BTBD7: variants seen among roughly 807,000 people sequenced by gnomAD.
The protein encoded by BTBD7 is BTB/POZ domain-containing protein 7.
In BTBD7, 38 loss-of-function variants were observed where a neutral mutation model predicts 99.9. The observed-to-expected ratio is 0.38, with a 90% CI of 0.29 to 0.50. BTBD7 has a LOEUF of 0.50. Among genes scored for constraint, BTBD7 ranks in the 20% least tolerant of loss-of-function variants. The pLI, the probability that BTBD7 is intolerant of heterozygous loss-of-function variation, is 0.93. For missense variants in BTBD7, 1,170 were observed against 1,394.6 expected (o/e 0.84, Z 2.57); for synonymous variants, 520 against 511.4 (o/e 1.02, Z -0.23).
intron 1 of BTBD7, among the ~76,000 whole-genome samples, chr14:93,325,383 C>T (rs146410674): frequency 6.6e-6 from 1 of 150,388 alleles, no homozygotes; most frequent in African/African-American, 2.4e-5. Context: ...CCACCTCAGC[C>T]TCCCAAAGTG....
chr14:93,268,760 T>C (rs1399762332), intron 3 of BTBD7, among the ~76,000 whole-genome samples: 1 of 148,634 alleles, frequency 6.7e-6, no homozygotes, highest in Non-Finnish European at 1.5e-5. Flanking sequence ...TTAGACCTTT[T>C]TTTTTTTTTT....
rs377690174 is a variant in BTBD7, at chr14:93,294,383, T to C, written c.637A>G (p.Arg213Gly). ...YTGEFGMEDS[R>G]FQNVDILVQL... ...ACAAGGATATCGACATTTTGAAACC[T>C]TGAGTCCTCCATTCCAAACTCTCCT... The change falls in exon 3 of 11, where the codon AGG becomes GGG. Residue 213 changes from arginine (R) to glycine (G), a missense_variant. By Grantham distance (125) the Arg-to-Gly change is moderately radical. Around this residue, in one of 4 missense-constraint regions of BTBD7, gnomAD observed 359 missense variants for 497.9 expected, o/e 0.72. Transcript: ENST00000334746. 6.2e-6 allele frequency: 10 copies of C among 1,614,086 alleles called. No individual in the cohort carries two copies. In the African/African-American group the frequency reaches 9.3e-5, roughly 15 times the overall value.
chr14:93,245,613 T>C (rs1321245260), intron 10 of BTBD7, among the ~76,000 whole-genome samples: 43 of 152,216 alleles, frequency 2.8e-4, no homozygotes, highest in Admixed American at 2.8e-3. Flanking sequence ...AACTCCTCCA[T>C]ATACACCTCT....
chr14:93,282,147 G>A (rs1014033206), intron 3 of BTBD7, among the ~76,000 whole-genome samples: 1 of 152,172 alleles, frequency 6.6e-6, no homozygotes, highest in African/African-American at 2.4e-5. Context: ...TAAAGATTAA[G>A]TGAGGTATTC....
rs2052197924 is a variant in BTBD7, at chr14:93,239,562, C to T, written c.*2711G>A. ...AAGCCAGAGGCATGTAGCTCTTGAACCTACCCTAGTAACCATACTTCACAA... is the reference window on the plus strand; with the variant it reads ...AAGCCAGAGGCATGTAGCTCTTGAATCTACCCTAGTAACCATACTTCACAA... On this transcript the variant is annotated 3_prime_UTR_variant, in exon 11 of 11. Transcript: ENST00000334746. 1 of 152,070 alleles carries T rather than the reference C, an allele frequency of 6.6e-6. No homozygotes were observed. Among genetic ancestry groups the T allele is most frequent in the South Asian group, 2.1e-4 (1 of 4,812 alleles). 9.4% of individuals were successfully genotyped at this position (152,070 alleles called of 1,614,324 possible).
At position 93,294,589 on chromosome 14, in the gene BTBD7, A is replaced by T. The variant is rs768721018; in HGVS notation, c.431T>A (p.Val144Glu). The change falls in exon 3 of 11, where the codon GTA becomes GAA. Residue 144 changes from valine (V) to glutamate (E), a missense_variant. Coordinates refer to ENST00000334746, the MANE Select transcript of BTBD7 (RefSeq NM_001002860.4). ...DLYEYKYCTD[V>E]DLIFQETCFP... is the part of the protein sequence containing the mutation. ...ACAAGTTTCTTGAAATATTAAGTCT[A>T]CATCAGTACAATACTTGTACTCATA... is the stretch of plus-strand genomic sequence containing the variant. 3 of 1,614,036 alleles carry T rather than the reference A, an allele frequency of 1.9e-6. No homozygotes were observed. The highest frequency in any genetic ancestry group is 1.7e-6 in the Non-Finnish European group (2 of 1,180,026).
chr14:93,310,361 C>G lies in BTBD7; in HGVS notation c.-106-14204G>C, dbSNP rs568513502. On this transcript the variant is annotated intron_variant, in intron 1 of 10. Coordinates refer to ENST00000334746, the MANE Select transcript of BTBD7 (RefSeq NM_001002860.4). ...TTAGGATCCAAATAAGGTCTACACA[C>G]TGTGACTGGATGACTATGTCTCTTC... Among the ~76,000 whole-genome samples the G allele has an allele frequency of 2.6e-5, 4 of 152,324 alleles. No individual in the cohort carries two copies. In the South Asian group the frequency reaches 8.3e-4, roughly 32 times the overall value.
At chr14:93,288,658 G>A in intron 3 of BTBD7, 2 of 1,411,102 alleles carry the variant, frequency 1.4e-6, no homozygotes, top group South Asian at 2.3e-5. Flanking sequence ...GCAGTAAGCA[G>A]CTGTTTGAAA....
chr14:93,288,382 A>C, intron 3 of BTBD7: 1 of 627,454 alleles, frequency 1.6e-6, no homozygotes, highest in Non-Finnish European at 2.8e-6. Context: ...GTACCTTTCA[A>C]TGCTTCCATT....
chr14:93,258,201 G>T (rs886759883), intron 5 of BTBD7, among the ~76,000 whole-genome samples: 2 of 117,548 alleles, frequency 1.7e-5, no homozygotes, highest in Admixed American at 1.9e-4. Context: ...TCCTTAAATC[G>T]TGTGTGTGTG....
At chr14:93,314,869 A>ATT in intron 1 of BTBD7, among the ~76,000 whole-genome samples, 1 of 152,088 alleles carries the variant, frequency 6.6e-6, no homozygotes, top group Non-Finnish European at 1.5e-5. Flanking sequence ...TAATAAACTG[A>ATT]TATTCATTAG....
chr14:93,313,204 T>C (rs1246919787), intron 1 of BTBD7, among the ~76,000 whole-genome samples: 5 of 152,224 alleles, frequency 3.3e-5, no homozygotes, highest in South Asian at 2.1e-4. Flanking sequence ...TCAGAACTTT[T>C]GGGATTTCAA....
chr14:93,276,619 A>T (rs1487255501), intron 3 of BTBD7, among the ~76,000 whole-genome samples: 1 of 152,244 alleles, frequency 6.6e-6, no homozygotes, highest in East Asian at 1.9e-4. Context: ...GGAAATGAGA[A>T]GGCTATCTAC....
At chr14:93,253,877 A>C (rs1485055487) in intron 6 of BTBD7, 87 bp from the exon 7 acceptor site, 3 of 567,610 alleles carry the variant, frequency 5.3e-6, no homozygotes, top group Non-Finnish European at 7.9e-6. Flanking sequence ...ACTATAAATA[A>C]AAATATGCAA....
In BTBD7 at chr14:93,238,117, TAGAC is replaced by T. The variant is rs1288912802; in HGVS notation, c.*4152_*4155del. 2.0e-5 allele frequency: 3 copies of T among 152,586 alleles called. No homozygotes were observed. The highest frequency in any genetic ancestry group is 4.4e-5 in the Non-Finnish European group (3 of 68,040). 9.5% of individuals were successfully genotyped at this position (152,586 alleles called of 1,614,324 possible). A position where few individuals can be genotyped will look rare whatever the true frequency, so the allele number is the denominator to read the frequency against. On this transcript the variant is annotated 3_prime_UTR_variant, in exon 11 of 11. Transcript: ENST00000334746. ...AGCTTCCAGAGCTTATCTGATCTCTTAGACAGAACTCACATAAACACACAAATAC... is the reference window on the plus strand; with the variant it reads ...AGCTTCCAGAGCTTATCTGATCTCTTAGAACTCACATAAACACACAAATAC...
intron 1 of BTBD7, chr14:93,332,455 T>C (rs1348909669): frequency 6.3e-6 from 1 of 158,422 alleles, no homozygotes; most frequent in Non-Finnish European, 1.4e-5. Flanking sequence ...CTCAGCGTCC[T>C]GGGAGCGACG....
intron 1 of BTBD7, among the ~76,000 whole-genome samples, chr14:93,301,073 G>A (rs2052998960): frequency 6.6e-6 from 1 of 152,148 alleles, no homozygotes; most frequent in Admixed American, 6.5e-5. Flanking sequence ...GCCTGGCTCA[G>A]TGGCTCATGC....
intron 3 of BTBD7, among the ~76,000 whole-genome samples, chr14:93,269,001 C>T (rs1305897064): frequency 4.6e-5 from 7 of 151,990 alleles, no homozygotes; most frequent in South Asian, 2.1e-4. Flanking sequence ...TCAGGTGATC[C>T]GCCCGCCTCG....
intron 1 of BTBD7, among the ~76,000 whole-genome samples, chr14:93,331,886 C>CCA (rs984431225): frequency 4.8e-5 from 7 of 147,340 alleles, no homozygotes; most frequent in East Asian, 2.0e-4. Flanking sequence ...GTCTCCCCCC[C>CCA]CCCAAAAAGG....
Sources: gnomAD v4.1 joint callset for allele counts (sites outside exome capture counted in the v4.1 genomes callset) on GRCh38, gnomAD v4.1.1 for gene constraint, gnomAD v4.1.1 regional missense constraint, MANE v1.5 for transcripts, NCBI Gene and HGNC (gene_info 2026-07-23, HGNC 2026-07-21) for gene names.